The following ANKFN1 variants were observed in gnomAD, a reference collection of about 807,000 sequenced individuals.
ANKFN1 encodes the protein ankyrin repeat and fibronectin type-III domain-containing protein 1.
In ANKFN1, 74 loss-of-function variants were observed where a neutral mutation model predicts 108.7. The ratio of observed to expected loss-of-function variants is 0.68; its 90% confidence interval spans 0.56 to 0.83. The LOEUF (loss-of-function observed/expected upper bound fraction) is 0.83, where lower values mean the gene tolerates loss of function less well. Among genes scored for constraint, ANKFN1 ranks in the 40% least tolerant of loss-of-function variants. ANKFN1 has a pLI of 0.00. For synonymous variants in ANKFN1, 547 were observed against 516.2 expected, an observed-to-expected ratio of 1.06 and a Z score of -0.81; for missense variants, 1,505 against 1,382.3, an observed-to-expected ratio of 1.09 and a Z score of -1.41.
chr17:56,330,248 G>GTGT (rs1452454207), intron 4 of ANKFN1, among the ~76,000 whole-genome samples: 1 of 61,414 alleles, frequency 1.6e-5, no homozygotes, highest in Admixed American at 2.2e-4. Context: ...AATCATGGCA[G>GTGT]AAGGCAAAGG....
intron 8 of ANKFN1, among the ~76,000 whole-genome samples, chr17:56,431,813 A>G (rs561908713): frequency 6.6e-6 from 1 of 152,368 alleles, no homozygotes; most frequent in South Asian, 2.1e-4. Flanking sequence ...AATGCCCAAC[A>G]GGACTCAGAA....
chr17:56,169,277 A>AT (rs1910433479), intron 1 of ANKFN1, among the ~76,000 whole-genome samples: 2 of 151,958 alleles, frequency 1.3e-5, no homozygotes, highest in South Asian at 4.2e-4. Flanking sequence ...TATTATCATT[A>AT]TTATTTTTTT....
chr17:56,152,062 T>C (rs1372297701), upstream of ANKFN1, among the ~76,000 whole-genome samples: 1 of 152,140 alleles, frequency 6.6e-6, no homozygotes, highest in African/African-American at 2.4e-5. Context: ...AGAGGGCCAT[T>C]CCTGTGATTA....
intron 2 of ANKFN1, among the ~76,000 whole-genome samples, chr17:56,216,771 G>T (rs1915453989): frequency 6.6e-6 from 1 of 152,186 alleles, no homozygotes; most frequent in Non-Finnish European, 1.5e-5. Flanking sequence ...ACCCCACATT[G>T]TTAATGATGC....
chr17:56,445,454 A>G (rs1451056910), intron 10 of ANKFN1, among the ~76,000 whole-genome samples: 2 of 152,256 alleles, frequency 1.3e-5, no homozygotes, highest in Non-Finnish European at 2.9e-5. Flanking sequence ...GGTAATTAAC[A>G]TATCAAATAG....
chr17:56,448,503 G>A (rs1261701500), intron 10 of ANKFN1, among the ~76,000 whole-genome samples: 2 of 152,166 alleles, frequency 1.3e-5, no homozygotes, highest in African/African-American at 4.8e-5. Flanking sequence ...TATGTGCAGG[G>A]GCTGCTGTGC....
Position 56,510,883 on chromosome 17 carries a change from C to G in ANKFN1, c.3055C>G (p.Arg1019Gly), listed in dbSNP as rs1318546577. The change falls in exon 21 of 21, where the codon CGC (arginine) becomes GGC (glycine). Residue 1019 changes from arginine to glycine, a missense_variant. By Grantham distance (125) the Arg-to-Gly change is moderately radical. Coordinates refer to ENST00000682825, the MANE Select transcript of ANKFN1 (RefSeq NM_001370326.1). ...CTTCAGCCGCCATCATCGCTGGTTG[C>G]GCATCCACAGCGAGACCCAGTCGCT... ...GGFSRHHRWL[R>G]IHSETQSLSL... 2.0e-6 allele frequency: 3 copies of G among 1,536,154 alleles called. No homozygotes were observed. The highest frequency in any genetic ancestry group is 2.6e-6 in the Non-Finnish European group (3 of 1,146,902).
chr17:56,345,484 G>A (rs1383134636), intron 4 of ANKFN1, among the ~76,000 whole-genome samples: 5 of 152,148 alleles, frequency 3.3e-5, no homozygotes, highest in African/African-American at 1.2e-4. Context: ...TTTCACAACA[G>A]TTGAACTAAT....
intron 1 of ANKFN1, among the ~76,000 whole-genome samples, chr17:56,161,151 G>A (rs1909623169): frequency 6.6e-6 from 1 of 152,178 alleles, no homozygotes; most frequent in African/African-American, 2.4e-5. Flanking sequence ...GATTGTAATA[G>A]TATCGACCTC....
intron 8 of ANKFN1, among the ~76,000 whole-genome samples, chr17:56,400,723 T>C (rs956348500): frequency 3.2e-4 from 49 of 152,236 alleles, no homozygotes; most frequent in African/African-American, 1.2e-3. Context: ...GTTTTAGGTC[T>C]TAGGTTTAAG....
At chr17:56,403,023 A>G (rs2047810195) in intron 8 of ANKFN1, among the ~76,000 whole-genome samples, 1 of 152,094 alleles carries the variant, frequency 6.6e-6, no homozygotes, top group Non-Finnish European at 1.5e-5. Flanking sequence ...TCTTTTTGGA[A>G]TTGACTTCCA....
At chr17:56,349,461 C>T (rs140916226) in intron 4 of ANKFN1, among the ~76,000 whole-genome samples, 145 of 151,418 alleles carry the variant, frequency 9.6e-4, no homozygotes, top group Non-Finnish European at 1.1e-3. Context: ...AAAGTCAAGG[C>T]GAATCAAAGT....
intron 15 of ANKFN1, among the ~76,000 whole-genome samples, chr17:56,467,777 A>C (rs1345114150): frequency 1.1e-4 from 2 of 18,410 alleles, no homozygotes; most frequent in Admixed American, 9.7e-4. Context: ...GAAAGAAAGA[A>C]AGAAAGAAAG....
chr17:56,112,293 G>A (rs1192088240), intron 4 of ANKFN1, among the ~76,000 whole-genome samples: 1 of 152,034 alleles, frequency 6.6e-6, no homozygotes, highest in Admixed American at 6.6e-5. Flanking sequence ...CCAGAATGGT[G>A]AGGAAGTTTA....
chr17:56,120,664 A>G (rs1004881848), intron 4 of ANKFN1, among the ~76,000 whole-genome samples: 1 of 152,148 alleles, frequency 6.6e-6, no homozygotes, highest in Non-Finnish European at 1.5e-5. Flanking sequence ...TTACCTTGAT[A>G]GAGAACTTCC....
intron 4 of ANKFN1, among the ~76,000 whole-genome samples, chr17:56,080,725 T>A (rs1905235846): frequency 6.6e-6 from 1 of 152,230 alleles, no homozygotes. Context: ...TATGTGTCTT[T>A]AACTATTATG....
intron 8 of ANKFN1, among the ~76,000 whole-genome samples, chr17:56,385,307 A>G (rs2047228225): frequency 2.0e-5 from 3 of 152,246 alleles, no homozygotes; most frequent in East Asian, 1.9e-4. Flanking sequence ...TACACCTTAT[A>G]TAAAAATTAA....
At chr17:56,464,445 A>G (rs745393510) in intron 14 of ANKFN1, among the ~76,000 whole-genome samples, 9 of 152,242 alleles carry the variant, frequency 5.9e-5, no homozygotes, top group African/African-American at 2.2e-4. Context: ...AGACACAAAG[A>G]TGAAACAACT....
chr17:56,500,313 A>G (rs1264209333), intron 20 of ANKFN1, among the ~76,000 whole-genome samples: 1 of 152,192 alleles, frequency 6.6e-6, no homozygotes, highest in East Asian at 1.9e-4. Flanking sequence ...TAAAACTCCA[A>G]TGTGTAAAGT....
Sources: gnomAD v4.1 joint callset for allele counts (sites outside exome capture counted in the v4.1 genomes callset) on GRCh38, gnomAD v4.1.1 for gene constraint, MANE v1.5 for transcripts, NCBI Gene and HGNC (gene_info 2026-07-23, HGNC 2026-07-21) for gene names.